The following KCNH8 variants were observed in gnomAD, a reference collection of about 807,000 sequenced individuals.
KCNH8 encodes the protein potassium voltage-gated channel subfamily H member 8.
A neutral mutation model predicts 103.6 loss-of-function variants in KCNH8; 70 were observed. The observed-to-expected ratio is 0.68, with a 90% confidence interval of 0.56 to 0.82. The LOEUF (loss-of-function observed/expected upper bound fraction) is 0.82. KCNH8 is among the 40% of genes least tolerant of loss of function. The probability of loss-of-function intolerance (pLI) is 0.00; values close to 1 mark genes in which losing one functional copy is unlikely to be tolerated. For missense variants in KCNH8, 1,217 were observed against 1,329.9 expected, an observed-to-expected ratio of 0.92 and a Z score of 1.32; for synonymous variants, 498 against 489.4, an observed-to-expected ratio of 1.02 and a Z score of -0.23.
intron 11 of KCNH8, among the ~76,000 whole-genome samples, chr3:19,466,089 T>C (rs1361692472): frequency 6.6e-6 from 1 of 151,924 alleles, no homozygotes; most frequent in Non-Finnish European, 1.5e-5. Flanking sequence ...CACACCCGGC[T>C]AATTCTTTTT....
intron 5 of KCNH8, among the ~76,000 whole-genome samples, chr3:19,377,361 G>A (rs537430253): frequency 6.6e-6 from 1 of 152,114 alleles, no homozygotes; most frequent in Non-Finnish European, 1.5e-5. Context: ...TTGTTGGAGA[G>A]GTGAGAACAC....
intron 5 of KCNH8, among the ~76,000 whole-genome samples, chr3:19,374,828 T>G (rs1278201867): frequency 2.6e-5 from 4 of 152,144 alleles, no homozygotes; most frequent in Non-Finnish European, 4.4e-5. Flanking sequence ...AGCATTTGCT[T>G]GTCTGTAAAG....
intron 11 of KCNH8, among the ~76,000 whole-genome samples, chr3:19,472,798 A>G (rs1028187471): frequency 1.3e-5 from 2 of 152,186 alleles, no homozygotes; most frequent in Non-Finnish European, 2.9e-5. Flanking sequence ...ATTTGGGTAA[A>G]TCTCCCATGG....
At chr3:19,349,432 A>G (rs2065770635) in intron 5 of KCNH8, among the ~76,000 whole-genome samples, 1 of 152,102 alleles carries the variant, frequency 6.6e-6, no homozygotes. Context: ...GTTCTCAAGA[A>G]CTTGGGCAGT....
intron 3 of KCNH8, among the ~76,000 whole-genome samples, chr3:19,331,771 G>A (rs910345811): frequency 6.6e-5 from 10 of 151,982 alleles, no homozygotes; most frequent in African/African-American, 1.7e-4. Flanking sequence ...TTAAGTTATT[G>A]TAAAATGTAC....
chr3:19,524,113 A>G (rs770323161), intron 15 of KCNH8, among the ~76,000 whole-genome samples: 1 of 151,914 alleles, frequency 6.6e-6, no homozygotes, highest in Non-Finnish European at 1.5e-5. Context: ...CATGAGTAAT[A>G]TCTTAAGGTA....
At chr3:19,410,413 T>C (rs900339445) in intron 7 of KCNH8, among the ~76,000 whole-genome samples, 6 of 152,248 alleles carry the variant, frequency 3.9e-5, no homozygotes, top group African/African-American at 1.4e-4. Flanking sequence ...GGAAAGTTCA[T>C]AGCACTAAAC....
intron 3 of KCNH8, among the ~76,000 whole-genome samples, chr3:19,289,564 T>A (rs2064887362): frequency 6.6e-6 from 1 of 152,178 alleles, no homozygotes; most frequent in Non-Finnish European, 1.5e-5. Context: ...CTGAGGGCTC[T>A]GTTCTGTTCC....
At chr3:19,445,653 T>C (rs760379684) in intron 8 of KCNH8, among the ~76,000 whole-genome samples, 6 of 151,938 alleles carry the variant, frequency 3.9e-5, no homozygotes, top group Non-Finnish European at 7.4e-5. Flanking sequence ...TACAATTATG[T>C]TGTCCAAAAT....
chr3:19,172,445 A>G (rs2063357410), intron 1 of KCNH8, among the ~76,000 whole-genome samples: 1 of 152,200 alleles, frequency 6.6e-6, no homozygotes, highest in Non-Finnish European at 1.5e-5. Flanking sequence ...AAGAAGAATA[A>G]TAGAAAGTGT....
chr3:19,303,881 C>T (rs1575511013), intron 3 of KCNH8, among the ~76,000 whole-genome samples: 1 of 152,202 alleles, frequency 6.6e-6, no homozygotes, highest in East Asian at 1.9e-4. Context: ...AGGGTGCTCC[C>T]AAGAGCTGGG....
chr3:19,194,143 T>C (rs1367372914), intron 1 of KCNH8, among the ~76,000 whole-genome samples: 4 of 151,536 alleles, frequency 2.6e-5, no homozygotes, highest in Non-Finnish European at 5.9e-5. Flanking sequence ...AAAATTCTGC[T>C]GGAGAAATTG....
chr3:19,491,206 TA>T (rs1325569120), intron 11 of KCNH8, among the ~76,000 whole-genome samples: 1 of 152,116 alleles, frequency 6.6e-6, no homozygotes, highest in Non-Finnish European at 1.5e-5. Flanking sequence ...CTCACGCTTT[TA>T]AAAAAATGTT....
At chr3:19,512,215 C>G (rs964955395) in intron 12 of KCNH8, among the ~76,000 whole-genome samples, 1 of 152,162 alleles carries the variant, frequency 6.6e-6, no homozygotes, top group Non-Finnish European at 1.5e-5. Context: ...TGCCCTGGCC[C>G]TTCCATCATC....
intron 5 of KCNH8, among the ~76,000 whole-genome samples, chr3:19,385,541 C>T (rs2125127555): frequency 6.6e-6 from 1 of 152,188 alleles, no homozygotes; most frequent in African/African-American, 2.4e-5. Context: ...TCTCACTGGG[C>T]CTACTGCTCT....
chr3:19,341,309 G>A (rs1373948581), intron 3 of KCNH8, among the ~76,000 whole-genome samples: 2 of 152,168 alleles, frequency 1.3e-5, no homozygotes, highest in Non-Finnish European at 2.9e-5. Flanking sequence ...CACCAGCTCA[G>A]GTGTTTTCTA....
intron 1 of KCNH8, among the ~76,000 whole-genome samples, chr3:19,211,660 C>A (rs2063772716): frequency 6.6e-6 from 1 of 152,214 alleles, no homozygotes; most frequent in South Asian, 2.1e-4. Context: ...TCTTCATTCC[C>A]CCTATTCTTT....
intron 1 of KCNH8, among the ~76,000 whole-genome samples, chr3:19,226,474 G>A (rs1235839674): frequency 2.6e-5 from 4 of 152,056 alleles, no homozygotes; most frequent in South Asian, 2.1e-4. Context: ...CCTTGTCTTG[G>A]TAAGGTCTTG....
chr3:19,375,864 T>A (rs564193030), intron 5 of KCNH8, among the ~76,000 whole-genome samples: 6 of 151,960 alleles, frequency 3.9e-5, no homozygotes, highest in African/African-American at 7.2e-5. Context: ...AGTACCCTAC[T>A]GTGTGAGGTG....
Sources: gnomAD v4.1 joint callset for allele counts (sites outside exome capture counted in the v4.1 genomes callset) on GRCh38, gnomAD v4.1.1 for gene constraint, MANE v1.5 for transcripts, NCBI Gene and HGNC (gene_info 2026-07-23, HGNC 2026-07-21) for gene names.